CHD7: variants seen among roughly 807,000 people sequenced by gnomAD.
The protein encoded by CHD7 is ATP-dependent chromatin remodeler CHD7.
Under a neutral mutation model 307.3 loss-of-function variants are expected in CHD7, and 24 were observed. That is an observed-to-expected ratio of 0.08 (90% CI 0.06 to 0.11). The LOEUF (loss-of-function observed/expected upper bound fraction) is 0.11, where lower values mean the gene tolerates loss of function less well. Ranked by LOEUF, CHD7 falls within the 10% of genes least tolerant of loss-of-function variation. CHD7 has a pLI of 1.00. For synonymous variants in CHD7, 1,363 were observed against 1,349.9 expected (o/e 1.01, Z -0.21); for missense variants, 3,106 against 3,727.1 (o/e 0.83, Z 4.34).
intron 1 of CHD7, among the ~76,000 whole-genome samples, chr8:60,705,249 A>G (rs1342425291): frequency 1.3e-5 from 2 of 152,200 alleles, no homozygotes; most frequent in East Asian, 3.8e-4. Context: ...TACAGATGTT[A>G]GTGAACTTGC....
intron 2 of CHD7, among the ~76,000 whole-genome samples, chr8:60,771,948 A>G (rs975195398): frequency 2.1e-4 from 32 of 152,268 alleles, no homozygotes; most frequent in African/African-American, 7.0e-4. Context: ...CTCCAAACCA[A>G]TTGATTTGGA....
chr8:60,846,124 CT>C (rs2150795748), intron 23 of CHD7, among the ~76,000 whole-genome samples: 1 of 152,276 alleles, frequency 6.6e-6, no homozygotes, highest in African/African-American at 2.4e-5. Flanking sequence ...GACACTTGGG[CT>C]AGTTATCATG....
At chr8:60,811,232 T>G (rs1812793299) in intron 7 of CHD7, among the ~76,000 whole-genome samples, 1 of 152,198 alleles carries the variant, frequency 6.6e-6, no homozygotes, top group African/African-American at 2.4e-5. Flanking sequence ...TTGTTGATTT[T>G]TATTGTTTTT....
At chr8:60,716,971 T>C (rs1807637746) in intron 1 of CHD7, among the ~76,000 whole-genome samples, 1 of 152,134 alleles carries the variant, frequency 6.6e-6, no homozygotes, top group African/African-American at 2.4e-5. Context: ...AGTGTTTCTC[T>C]TTGAGACAGT....
At position 60,819,932 on chromosome 8, in the gene CHD7, T is replaced by A. The variant is rs1803946622; in HGVS notation, c.2614-75T>A. 7.2e-6 allele frequency: 7 copies of A among 975,510 alleles called. No homozygotes were observed. In the South Asian group the frequency reaches 8.5e-5, roughly 12 times the overall value. The allele number at this position is 975,510 out of a possible 1,614,324, so 60.4% of individuals were successfully genotyped here. ...TTGCTGTGACCCAAAATATTATTGC[T>A]TGGTGAAAAGTGGAATAGTATTTCA... On this transcript the variant is annotated intron_variant, in intron 8 of 37. Coordinates refer to ENST00000423902, the MANE Select transcript of CHD7 (RefSeq NM_017780.4).
intron 21 of CHD7, among the ~76,000 whole-genome samples, chr8:60,843,514 A>G (rs1223365933): frequency 6.6e-6 from 1 of 152,178 alleles, no homozygotes; most frequent in Non-Finnish European, 1.5e-5. Context: ...TGTGCTAGGC[A>G]CTGTCTAGGA....
At chr8:60,861,948 A>C (rs1805997155) in intron 35 of CHD7, 1 of 283,896 alleles carries the variant, frequency 3.5e-6, no homozygotes, top group African/African-American at 2.2e-5. Context: ...ATTTAAAGAA[A>C]AACTTTAAGT....
rs930201359 is a variant in CHD7, at chr8:60,764,240, C to T, written c.1666-16760C>T. On this transcript the variant is annotated intron_variant, in intron 2 of 37. Coordinates refer to ENST00000423902, the MANE Select transcript of CHD7 (RefSeq NM_017780.4). The stretch of plus-strand genomic sequence containing the variant: ...TCCTGACCTCGTGATCCGCCCGCCT[C>T]GGCCTCCCAAAGTGCTGGGATTACA... 9.2e-5 allele frequency among the ~76,000 whole-genome samples: 14 copies of T among 152,154 alleles called. No individual in the cohort carries two copies. The East Asian group carries it at 1.3e-3, about 15-fold the overall frequency.
chr8:60,737,372 TTTCA>T (rs1393687049), intron 1 of CHD7, among the ~76,000 whole-genome samples: 2 of 152,210 alleles, frequency 1.3e-5, no homozygotes, highest in South Asian at 2.1e-4. Flanking sequence ...TAAGCTGCTG[TTTCA>T]TTCATTCATT....
intron 1 of CHD7, among the ~76,000 whole-genome samples, chr8:60,732,879 C>T (rs978152541): frequency 6.6e-6 from 1 of 152,054 alleles, no homozygotes; most frequent in Non-Finnish European, 1.5e-5. Context: ...TTACTTATTT[C>T]TAGACCTGTC....
chr8:60,820,524 T>C (rs186315492), intron 9 of CHD7, among the ~76,000 whole-genome samples: 1 of 152,230 alleles, frequency 6.6e-6, no homozygotes, highest in Non-Finnish European at 1.5e-5. Flanking sequence ...CAGAGGCTAA[T>C]AGACATTATT....
rs1276089165 is a variant in CHD7 at position 60,822,389 on chromosome 8, A to G, written c.2958-114A>G. On this transcript the variant is annotated intron_variant, in intron 11 of 37. Transcript: ENST00000423902. ...TATATTTTGTTGAATCTAAGAGAAC[A>G]TCTAAAGCCTTTGGGTATGCATTTG... 4.9e-6 allele frequency: 5 copies of G among 1,029,602 alleles called. No homozygotes were observed. The East Asian group carries it at 7.6e-5, about 16-fold the overall frequency. The allele number at this position is 1,029,602 out of a possible 1,614,324, so 63.8% of individuals were successfully genotyped here.
intron 2 of CHD7, among the ~76,000 whole-genome samples, chr8:60,771,724 A>G (rs933888696): frequency 1.4e-5 from 2 of 142,188 alleles, no homozygotes; most frequent in Admixed American, 1.4e-4. Flanking sequence ...GGTTGTCCAC[A>G]GAATTCATTT....
At chr8:60,720,183 T>G (rs1807827380) in intron 1 of CHD7, among the ~76,000 whole-genome samples, 1 of 152,216 alleles carries the variant, frequency 6.6e-6, no homozygotes. Flanking sequence ...ATAACTTCAC[T>G]TATCTGTCCT....
At chr8:60,748,490 C>T (rs1809446410) in intron 2 of CHD7, among the ~76,000 whole-genome samples, 1 of 152,058 alleles carries the variant, frequency 6.6e-6, no homozygotes, top group African/African-American at 2.4e-5. Flanking sequence ...TTGCAGCACC[C>T]AGGAGTACGA....
intron 8 of CHD7, among the ~76,000 whole-genome samples, chr8:60,818,515 G>A (rs1302968643): frequency 6.6e-6 from 1 of 152,192 alleles, no homozygotes; most frequent in African/African-American, 2.4e-5. Context: ...GTTTACCTAC[G>A]TCTAGAAGCT....
chr8:60,773,711 T>C (rs997435505), intron 2 of CHD7, among the ~76,000 whole-genome samples: 1 of 152,174 alleles, frequency 6.6e-6, no homozygotes, highest in African/African-American at 2.4e-5. Context: ...AATTTTTTTG[T>C]GGTTCCTGAG....
At chr8:60,780,662 T>A (rs1811168424) in intron 2 of CHD7, among the ~76,000 whole-genome samples, 1 of 152,246 alleles carries the variant, frequency 6.6e-6, no homozygotes, top group African/African-American at 2.4e-5. Flanking sequence ...TCTTTGTGGC[T>A]TAGTCTTGGT....
Position 60,801,516 on chromosome 8 carries a change from C to CT in CHD7, c.2377-3dup, listed in dbSNP as rs752271550. 1.2e-3 allele frequency: 1,856 copies of CT among 1,514,516 alleles called. 5 individuals are homozygous for CT. The African/African-American group carries it at 0.012, about 10-fold the overall frequency. 93.8% of individuals were successfully genotyped at this position (1,514,516 alleles called of 1,614,324 possible). The stretch of plus-strand genomic sequence containing the variant: ...TTTCTATTTGGATTGATGCACATGC[C>CT]TTTTTTTTTAGGAATCTGTTGATGC... On this transcript the variant is annotated splice_polypyrimidine_tract_variant and intron_variant, in intron 5 of 37. Transcript: ENST00000423902.
Sources: gnomAD v4.1 joint callset for allele counts (sites outside exome capture counted in the v4.1 genomes callset) on GRCh38, gnomAD v4.1.1 for gene constraint, MANE v1.5 for transcripts, NCBI Gene and HGNC (gene_info 2026-07-23, HGNC 2026-07-21) for gene names.